ADGB: variants seen among roughly 807,000 people sequenced by gnomAD.
ADGB encodes the protein calpain-7-like protein.
ADGB carries 172 observed loss-of-function variants against 210.5 expected under a neutral mutation model. The ratio of observed to expected loss-of-function variants is 0.82; its 90% CI spans 0.72 to 0.93. ADGB has a LOEUF of 0.93. Ranked by LOEUF, ADGB falls within the 40% of genes least tolerant of loss-of-function variation. ADGB has a pLI of 0.00. For missense variants in ADGB, 2,025 were observed against 1,964.8 expected, an observed-to-expected ratio of 1.03 and a Z score of -0.58; for synonymous variants, 658 against 662.7, an observed-to-expected ratio of 0.99 and a Z score of 0.11.
At chr6:146,641,653 G>A (rs1583570874) in intron 2 of ADGB, among the ~76,000 whole-genome samples, 1 of 151,924 alleles carries the variant, frequency 6.6e-6, no homozygotes, top group Admixed American at 6.6e-5. Context: ...AAGCAATGGG[G>A]AAAAGACTCC....
At chr6:146,803,662 C>G in intron 35 of ADGB, 1 of 1,292,222 alleles carries the variant, frequency 7.7e-7, no homozygotes, top group Non-Finnish European at 1.1e-6. Flanking sequence ...GATCCTCAAT[C>G]TTATTACAAA....
At chr6:146,726,040 C>T (rs1345230248) in intron 18 of ADGB, 43 bp from the exon 19 acceptor site, 1 of 1,327,018 alleles carries the variant, frequency 7.5e-7, no homozygotes, top group Non-Finnish European at 1.1e-6. Context: ...AATGCCACCA[C>T]CCAGGAAGCA....
At chr6:146,733,289 T>A (rs1198023620) in intron 21 of ADGB, 34 bp downstream of exon 21, 1 of 1,436,362 alleles carries the variant, frequency 7.0e-7, no homozygotes, top group South Asian at 1.5e-5. Context: ...AATCAAGGAA[T>A]TCCTAGTTTT....
chr6:146,722,987 G>C (rs1489514097), intron 17 of ADGB, among the ~76,000 whole-genome samples: 1 of 152,172 alleles, frequency 6.6e-6, no homozygotes, highest in Non-Finnish European at 1.5e-5. Flanking sequence ...ACATGGCACT[G>C]TAAATGTACA....
At chr6:146,801,378 C>A (rs149343853) in intron 34 of ADGB, 99 bp downstream of exon 34, 1 of 747,662 alleles carries the variant, frequency 1.3e-6, no homozygotes, top group Non-Finnish European at 1.9e-6. Context: ...TAATTTGAGG[C>A]CTGATTAAGG....
chr6:146,784,105 C>T (rs1405257084), intron 30 of ADGB, among the ~76,000 whole-genome samples: 2 of 152,020 alleles, frequency 1.3e-5, no homozygotes, highest in Non-Finnish European at 2.9e-5. Context: ...AATCCATGAC[C>T]CTATCAAGAT....
intron 1 of ADGB, among the ~76,000 whole-genome samples, chr6:146,621,049 T>G (rs1006393870): frequency 6.6e-6 from 1 of 152,188 alleles, no homozygotes; most frequent in South Asian, 2.1e-4. Flanking sequence ...AACTAACATG[T>G]TGCCCTGTTA....
At chr6:146,802,801 T>G (rs1458221259) in intron 35 of ADGB, 9 of 1,607,178 alleles carry the variant, frequency 5.6e-6, no homozygotes, top group Non-Finnish European at 6.8e-6. Flanking sequence ...TCTCTCAATG[T>G]AACTGTAATA....
chr6:146,795,176 C>T (rs2114658027), intron 33 of ADGB, among the ~76,000 whole-genome samples: 1 of 152,276 alleles, frequency 6.6e-6, no homozygotes. Flanking sequence ...AGAAAACCCA[C>T]AATAATCCCT....
At chr6:146,794,843 C>T (rs949271189) in intron 33 of ADGB, among the ~76,000 whole-genome samples, 1 of 152,154 alleles carries the variant, frequency 6.6e-6, no homozygotes, top group African/African-American at 2.4e-5. Context: ...TCCATCTTAT[C>T]GACTTGTCCT....
At chr6:146,655,888 A>T (rs527586109) in intron 4 of ADGB, among the ~76,000 whole-genome samples, 4 of 152,152 alleles carry the variant, frequency 2.6e-5, no homozygotes, top group Non-Finnish European at 5.9e-5. Context: ...TTGCAAGGTC[A>T]ATATTAAATA....
intron 13 of ADGB, among the ~76,000 whole-genome samples, chr6:146,704,666 G>T (rs1255002069): frequency 6.6e-6 from 1 of 151,990 alleles, no homozygotes; most frequent in Non-Finnish European, 1.5e-5. Flanking sequence ...GGTGATATAT[G>T]CTGTTTGGGT....
In ADGB at chr6:146,788,622, T is replaced by C; in HGVS notation, c.4537+12T>C. ...GAAGGAAAACATTCGTAAGTATTGC[T>C]GTCATTGGTAACATAAACATGTATT... is the stretch of plus-strand genomic sequence containing the variant. On this transcript the variant is annotated intron_variant, in intron 33 of 35. Coordinates refer to ENST00000397944, the MANE Select transcript of ADGB (RefSeq NM_024694.4). 6.5e-7 allele frequency: 1 copy of C among 1,546,668 alleles called. No individual in the cohort carries two copies. Among genetic ancestry groups the C allele is most frequent in the South Asian group, 1.2e-5 (1 of 83,936 alleles).
At position 146,664,225 on chromosome 6, in the gene ADGB, G is replaced by T; in HGVS notation, c.637G>T (p.Asp213Tyr). The change falls in exon 6 of 36, where the codon GAT becomes TAT. Residue 213 changes from aspartate (D) to tyrosine (Y), a missense_variant. Coordinates refer to ENST00000397944, the MANE Select transcript of ADGB (RefSeq NM_024694.4). ...GGGTTGCTGGAGAAAGATAACAATT[G>T]ATGACTTTTTGCCTTTTGATGAAGA... ...WMGCWRKITIDDFLPFDEDNN... is the reference protein window; with the variant it reads ...WMGCWRKITIYDFLPFDEDNN... 1 of 1,547,446 alleles carries T rather than the reference G, an allele frequency of 6.5e-7. No homozygotes were observed. The highest frequency in any genetic ancestry group is 1.2e-5 in the South Asian group (1 of 83,424).
chr6:146,761,353 T>G (rs1777486243), intron 27 of ADGB, among the ~76,000 whole-genome samples: 1 of 152,072 alleles, frequency 6.6e-6, no homozygotes, highest in Non-Finnish European at 1.5e-5. Flanking sequence ...AGATGATATT[T>G]TCTCCATTGA....
chr6:146,704,167 G>A (rs1325905545), intron 13 of ADGB, among the ~76,000 whole-genome samples: 3 of 151,628 alleles, frequency 2.0e-5, no homozygotes, highest in Admixed American at 2.0e-4. Context: ...TTGTTTCCTT[G>A]ATGATGAGTT....
Position 146,740,587 on chromosome 6 carries a change from T to C in ADGB, c.3017T>C (p.Val1006Ala). ...QEQPPNSWFI[V>A]FRETFLVHQD... ...CAGCCACCAAATTCTTGGTTTATAGTATTCAGGTGAGGTTGTTATATAGTG... is the reference window on the plus strand; with the variant it reads ...CAGCCACCAAATTCTTGGTTTATAGCATTCAGGTGAGGTTGTTATATAGTG... The change falls in exon 24 of 36, where the codon GTA becomes GCA. Residue 1006 changes from valine (V) to alanine (A), a missense_variant. By Grantham distance (64) the Val-to-Ala change is moderately conservative. Coordinates refer to ENST00000397944, the MANE Select transcript of ADGB (RefSeq NM_024694.4). 1 of 1,550,294 alleles carries C rather than the reference T, an allele frequency of 6.5e-7. No individual in the cohort carries two copies. The highest frequency in any genetic ancestry group is 8.7e-7 in the Non-Finnish European group (1 of 1,146,416).
At position 146,814,956 on chromosome 6, in the gene ADGB, A is replaced by G. The variant is rs1180744674; in HGVS notation, c.4819-76A>G. 1.4e-5 allele frequency: 19 copies of G among 1,403,788 alleles called. No homozygotes were observed. The Admixed American group carries it at 5.4e-4, about 40-fold the overall frequency. 87.0% of individuals were successfully genotyped at this position (1,403,788 alleles called of 1,614,324 possible). On this transcript the variant is annotated intron_variant, in intron 35 of 35. Coordinates refer to ENST00000397944, the MANE Select transcript of ADGB (RefSeq NM_024694.4). ...GTGGGCGTAAGGACAGGGTAAAGGA[A>G]TTTCATTTTTTTCTTTCTGGGAACA...
intron 1 of ADGB, among the ~76,000 whole-genome samples, chr6:146,633,423 C>T (rs917126205): frequency 6.6e-5 from 10 of 150,448 alleles, no homozygotes; most frequent in African/African-American, 2.5e-4. Context: ...TTATCTCACT[C>T]AGAGTAAAGA....
Sources: allele counts gnomAD v4.1 joint callset (sites outside exome capture counted in the v4.1 genomes callset), GRCh38; gene constraint gnomAD v4.1.1; transcripts MANE v1.5; gene names NCBI Gene and HGNC (gene_info 2026-07-23, HGNC 2026-07-21).